The following TMC1 variants were observed in gnomAD, a reference collection of about 807,000 sequenced individuals.
TMC1 encodes transmembrane channel-like protein 1.
A neutral mutation model predicts 105.8 loss-of-function variants in TMC1; 84 were observed. That is an observed-to-expected ratio of 0.79 (90% CI 0.67 to 0.95). The LOEUF (loss-of-function observed/expected upper bound fraction) is 0.95. TMC1 is among the 40% of genes least tolerant of loss of function. The pLI is 0.00. For synonymous variants in TMC1, 315 were observed against 311.5 expected (o/e 1.01, Z -0.12); for missense variants, 817 against 914.1 (o/e 0.89, Z 1.37).
chr9:72,563,112 C>T (rs1270948359), intron 1 of TMC1, among the ~76,000 whole-genome samples: 2 of 151,968 alleles, frequency 1.3e-5, no homozygotes, highest in Admixed American at 1.3e-4. Context: ...TGTGGAGGTA[C>T]AAAAAGAATA....
intron 6 of TMC1, among the ~76,000 whole-genome samples, chr9:72,693,300 T>G (rs1456854378): frequency 1.3e-5 from 2 of 152,072 alleles, no homozygotes; most frequent in Non-Finnish European, 2.9e-5. Context: ...AAGAACATAT[T>G]TAACTAATAA....
At chr9:72,736,114 C>T (rs988363744) in intron 8 of TMC1, among the ~76,000 whole-genome samples, 126 of 152,070 alleles carry the variant, frequency 8.3e-4, no homozygotes, top group African/African-American at 2.3e-3. Flanking sequence ...TGTTTAAAAA[C>T]CAGAATCTAA....
intron 5 of TMC1, among the ~76,000 whole-genome samples, chr9:72,679,883 G>A (rs1826260234): frequency 6.6e-6 from 1 of 152,006 alleles, no homozygotes; most frequent in African/African-American, 2.4e-5. Flanking sequence ...GGTCTTATCA[G>A]ATAAAAAAAT....
chr9:72,546,151 G>C (rs923741848), intron 1 of TMC1, among the ~76,000 whole-genome samples: 3 of 151,976 alleles, frequency 2.0e-5, no homozygotes, highest in Non-Finnish European at 2.9e-5. Flanking sequence ...AAATTAGCCC[G>C]GCGTGGTGGT....
intron 1 of TMC1, among the ~76,000 whole-genome samples, chr9:72,538,310 C>G (rs915148994): frequency 1.5e-4 from 23 of 152,104 alleles, no homozygotes; most frequent in African/African-American, 5.3e-4. Context: ...GAGAGATTCT[C>G]TACAGAACAC....
rs192155045 is a variant in TMC1, at chr9:72,624,123, C to T, written c.-195-3798C>T. Reference sequence around the variant, plus strand: ...ATGTCAAGGTCTTGGCATCAGATTCCGTGGCTGACAGGTTGGAAATTTAGC... The same window carrying T: ...ATGTCAAGGTCTTGGCATCAGATTCTGTGGCTGACAGGTTGGAAATTTAGC... On this transcript the variant is annotated intron_variant, in intron 3 of 23. Coordinates refer to ENST00000297784, the MANE Select transcript of TMC1 (RefSeq NM_138691.3). Among the ~76,000 whole-genome samples the T allele has an allele frequency of 3.2e-3, 491 of 152,194 alleles. 7 individuals are homozygous for T. Among genetic ancestry groups the T allele is most frequent in the Non-Finnish European group, 2.2e-3 (150 of 68,014 alleles).
intron 2 of TMC1, among the ~76,000 whole-genome samples, chr9:72,607,514 G>A (rs12005559): frequency 0.33 from 49,862 of 151,190 alleles, 9,314 homozygotes; most frequent in African/African-American, 0.5. Flanking sequence ...AGCTACTCAG[G>A]AGGCTGAGGC....
chr9:72,713,692 G>A (rs1444276375), intron 8 of TMC1, among the ~76,000 whole-genome samples: 2 of 147,314 alleles, frequency 1.4e-5, no homozygotes, highest in Non-Finnish European at 3.0e-5. Flanking sequence ...GCTAGTTGTT[G>A]ATCTTTCAAA....
At position 72,725,992 on chromosome 9, in the gene TMC1, A is replaced by C. The variant is rs560034838; in HGVS notation, c.363-14127A>C. ...GGCGTGAGCCACCACGCCCGGCCTCAAATGTTAATCTCTTTTGGCAGTACC... is the reference window on the plus strand; with the variant it reads ...GGCGTGAGCCACCACGCCCGGCCTCCAATGTTAATCTCTTTTGGCAGTACC... On this transcript the variant is annotated intron_variant, in intron 8 of 23. Transcript: ENST00000297784. Among the ~76,000 whole-genome samples, 27 of 152,262 alleles carry C rather than the reference A, an allele frequency of 1.8e-4. No homozygotes were observed. The South Asian group carries it at 5.4e-3, about 30-fold the overall frequency.
At chr9:72,777,604 G>A (rs1466331197) in intron 13 of TMC1, among the ~76,000 whole-genome samples, 9 of 152,110 alleles carry the variant, frequency 5.9e-5, no homozygotes, top group Non-Finnish European at 8.8e-5. Flanking sequence ...AAAGCAACGA[G>A]GTATGAAAGA....
intron 2 of TMC1, among the ~76,000 whole-genome samples, chr9:72,588,895 C>T (rs1373602995): frequency 6.6e-6 from 1 of 151,898 alleles, no homozygotes; most frequent in Non-Finnish European, 1.5e-5. Context: ...CCTGCCTCAG[C>T]CTCCCGAGTA....
In TMC1 at chr9:72,830,532, A is replaced by T; in HGVS notation, c.2208+3A>T. 2 of 1,611,910 alleles carry T rather than the reference A, an allele frequency of 1.2e-6. No homozygotes were observed. The highest frequency in any genetic ancestry group is 1.7e-6 in the Non-Finnish European group (2 of 1,178,078). On this transcript the variant is annotated splice_donor_region_variant and intron_variant, in intron 22 of 23. Coordinates refer to ENST00000297784, the MANE Select transcript of TMC1 (RefSeq NM_138691.3). The stretch of plus-strand genomic sequence containing the variant: ...ATCTCAAAAAGAAGATGAAAATGGT[A>T]TGATACAATTTATTTCATAGAAATA...
chr9:72,753,115 T>C (rs1293442652), intron 11 of TMC1, among the ~76,000 whole-genome samples: 3 of 152,248 alleles, frequency 2.0e-5, no homozygotes, highest in African/African-American at 7.2e-5. Context: ...TTTTGCACTT[T>C]AATCCACTAG....
At chr9:72,524,195 G>A (rs1005601697) in intron 1 of TMC1, among the ~76,000 whole-genome samples, 6 of 152,088 alleles carry the variant, frequency 3.9e-5, no homozygotes, top group Non-Finnish European at 5.9e-5. Context: ...TTAGAATGGG[G>A]CACTTAAAAA....
intron 4 of TMC1, among the ~76,000 whole-genome samples, chr9:72,635,738 C>A (rs1014529742): frequency 6.6e-6 from 1 of 152,048 alleles, no homozygotes; most frequent in African/African-American, 2.4e-5. Flanking sequence ...ATTAAGGTTG[C>A]AAGGAGGGAT....
At chr9:72,818,474 G>A (rs146721653) in intron 19 of TMC1, among the ~76,000 whole-genome samples, 98 of 152,264 alleles carry the variant, frequency 6.4e-4, no homozygotes, top group Non-Finnish European at 9.9e-4. Context: ...TTGAGAAATG[G>A]CAGAGAACAC....
intron 1 of TMC1, among the ~76,000 whole-genome samples, chr9:72,529,402 G>C (rs1344802071): frequency 6.6e-6 from 1 of 152,100 alleles, no homozygotes; most frequent in Non-Finnish European, 1.5e-5. Context: ...TTGCACCTGT[G>C]AATAGTCACT....
At chr9:72,619,708 G>A (rs1056018105) in intron 3 of TMC1, among the ~76,000 whole-genome samples, 1 of 151,616 alleles carries the variant, frequency 6.6e-6, no homozygotes, top group Non-Finnish European at 1.5e-5. Flanking sequence ...AAAAGCATAT[G>A]AATAGAAAAG....
chr9:72,823,353 T>C (rs1828903972), intron 20 of TMC1, among the ~76,000 whole-genome samples: 1 of 152,148 alleles, frequency 6.6e-6, no homozygotes, highest in Non-Finnish European at 1.5e-5. Flanking sequence ...CCCCAAGTTT[T>C]AGGTGATTTG....
Sources: allele counts gnomAD v4.1 joint callset (sites outside exome capture counted in the v4.1 genomes callset), GRCh38; gene constraint gnomAD v4.1.1; transcripts MANE v1.5; gene names NCBI Gene and HGNC (gene_info 2026-07-23, HGNC 2026-07-21).